CDC123: variants seen among roughly 807,000 people sequenced by gnomAD.
CDC123 encodes translation initiation factor eIF2 assembly protein.
Under a neutral mutation model 54.4 loss-of-function variants are expected in CDC123, and 37 were observed. The ratio of observed to expected loss-of-function variants is 0.68; its 90% CI spans 0.52 to 0.89. The LOEUF (loss-of-function observed/expected upper bound fraction) is 0.89, where lower values mean the gene tolerates loss of function less well. CDC123 is among the 40% of genes least tolerant of loss of function. CDC123 has a pLI of 0.00. For missense variants in CDC123, 361 were observed against 412.1 expected (o/e 0.88, Z 1.07); for synonymous variants, 144 against 136.8 (o/e 1.05, Z -0.37).
chr10:12,218,166 AAATAT>A (rs990265603), intron 6 of CDC123, among the ~76,000 whole-genome samples: 6 of 152,130 alleles, frequency 3.9e-5, no homozygotes, highest in African/African-American at 9.7e-5. Flanking sequence ...ATCTATAGAT[AAATAT>A]AATATAAATA....
chr10:12,205,195 A>G (rs1835502154), intron 2 of CDC123, among the ~76,000 whole-genome samples: 1 of 151,992 alleles, frequency 6.6e-6, no homozygotes, highest in Non-Finnish European at 1.5e-5. Flanking sequence ...TGCCTGGCTT[A>G]CTTCACTTAA....
intron 6 of CDC123, among the ~76,000 whole-genome samples, chr10:12,226,081 A>G (rs1214980476): frequency 5.3e-5 from 8 of 152,112 alleles, no homozygotes; most frequent in Middle Eastern, 3.2e-3. Flanking sequence ...GTTGGGGGTA[A>G]GGTTATAGAT....
chr10:12,221,400 A>C (rs1228914995), intron 6 of CDC123, among the ~76,000 whole-genome samples: 1 of 152,238 alleles, frequency 6.6e-6, no homozygotes, highest in African/African-American at 2.4e-5. Context: ...ATATGAAGAC[A>C]TGACCATATC....
At chr10:12,229,218 C>T (rs933134495) in intron 6 of CDC123, among the ~76,000 whole-genome samples, 2 of 152,192 alleles carry the variant, frequency 1.3e-5, no homozygotes. Flanking sequence ...GATATAGATG[C>T]GTTTTTTAAA....
chr10:12,223,223 T>G (rs975527309), intron 6 of CDC123, among the ~76,000 whole-genome samples: 4 of 152,172 alleles, frequency 2.6e-5, no homozygotes, highest in South Asian at 4.2e-4. Flanking sequence ...TGCAAAATAT[T>G]TGGAACAGCA....
chr10:12,242,063 A>G (rs1174115868), intron 10 of CDC123, among the ~76,000 whole-genome samples: 3 of 131,992 alleles, frequency 2.3e-5, no homozygotes, highest in African/African-American at 7.9e-5. Flanking sequence ...TCCTGTTTGG[A>G]ACAGCAAGCC....
rs145658038 is a variant in CDC123 at position 12,223,968 on chromosome 10, A to G, written c.440+6501A>G. Among the ~76,000 whole-genome samples the G allele has an allele frequency of 1.4e-3, 215 of 152,132 alleles. 1 individual carries two copies. Among genetic ancestry groups the G allele is most frequent in the African/African-American group, 4.9e-3 (205 of 41,514 alleles). On this transcript the variant is annotated intron_variant, in intron 6 of 12. Transcript: ENST00000281141. ...GAGCTTTTGGTGCACCCATCACCTG[A>G]GCAGTGTACACTGTACCCAACGTGT...
At chr10:12,202,366 G>A (rs922367195) in intron 2 of CDC123, among the ~76,000 whole-genome samples, 6 of 152,108 alleles carry the variant, frequency 3.9e-5, no homozygotes, top group Non-Finnish European at 7.4e-5. Flanking sequence ...AATGCAAACC[G>A]TTTTTCCTCT....
intron 10 of CDC123, among the ~76,000 whole-genome samples, chr10:12,238,716 A>G (rs1836012463): frequency 6.6e-6 from 1 of 151,812 alleles, no homozygotes; most frequent in South Asian, 2.1e-4. Flanking sequence ...TCTCTACTAA[A>G]AATTAAAAAA....
At position 12,235,117 on chromosome 10, in the gene CDC123, C is replaced by G. The variant is rs771779565; in HGVS notation, c.559C>G (p.Leu187Val). ...TCGATGTTTTGTCAAGGAAAACAAG[C>G]TTATTGGTGAGTTTTTGTTTGTTTG... ...EFRCFVKENK[L>V]IGISQRDYTQ... is the part of the protein sequence containing the mutation. Residue 187 changes from leucine to valine, a missense_variant, in exon 8 of 13, where the codon CTT (leucine) becomes GTT (valine). Leu to Val is a conservative substitution (Grantham distance 32, BLOSUM62 1). Coordinates refer to ENST00000281141, the MANE Select transcript of CDC123 (RefSeq NM_006023.3). 3 of 1,611,936 alleles carry G rather than the reference C, an allele frequency of 1.9e-6. No homozygotes were observed. The highest frequency in any genetic ancestry group is 2.5e-6 in the Non-Finnish European group (3 of 1,178,452).
At chr10:12,205,854 A>G (rs749768041) in intron 2 of CDC123, among the ~76,000 whole-genome samples, 2 of 151,106 alleles carry the variant, frequency 1.3e-5, no homozygotes, top group East Asian at 3.9e-4. Context: ...GCTGGAGTGC[A>G]GGGGCACGAT....
At chr10:12,212,920 G>T (rs1211777744) in intron 4 of CDC123, among the ~76,000 whole-genome samples, 1 of 152,174 alleles carries the variant, frequency 6.6e-6, no homozygotes, top group African/African-American at 2.4e-5. Context: ...TCTATGTGAA[G>T]TATAAGAATA....
Position 12,217,525 on chromosome 10 carries a change from T to C in CDC123, c.440+58T>C, listed in dbSNP as rs774839763. The C allele has an allele frequency of 3.2e-6, 5 of 1,551,366 alleles. No homozygotes were observed. The South Asian group carries it at 3.5e-5, about 11-fold the overall frequency. ...TTCAGTATTTGTGCAAATTTCTCTA[T>C]AGATGAAATTCCATTACTTATAGTA... On this transcript the variant is annotated intron_variant, in intron 6 of 12. Transcript: ENST00000281141.
intron 6 of CDC123, among the ~76,000 whole-genome samples, chr10:12,229,005 G>A (rs985496142): frequency 6.6e-6 from 1 of 152,162 alleles, no homozygotes; most frequent in African/African-American, 2.4e-5. Flanking sequence ...GTGAGCCACC[G>A]TGCCAGGTCT....
chr10:12,246,343 C>A, intron 11 of CDC123, 66 bp downstream of exon 11: 1 of 1,575,912 alleles, frequency 6.3e-7, no homozygotes, highest in Non-Finnish European at 8.7e-7. Flanking sequence ...GCTTGTTCTT[C>A]AGACGCATAG....
In CDC123 at chr10:12,198,716, C is replaced by T. The variant is rs765850399; in HGVS notation, c.86C>T (p.Pro29Leu). The T allele has an allele frequency of 6.3e-7, 1 of 1,580,806 alleles. No individual in the cohort carries two copies. The highest frequency in any genetic ancestry group is 8.6e-7 in the Non-Finnish European group (1 of 1,156,350). Residue 29 changes from proline to leucine, a missense_variant, in exon 2 of 13, where the codon CCA becomes CTA. Physicochemically the swap from Pro to Leu is moderately conservative, Grantham distance 98 (BLOSUM62 -3). Coordinates refer to ENST00000281141, the MANE Select transcript of CDC123 (RefSeq NM_006023.3). ...RGVTIKSVIL[P>L]LPQNVKDYLL... ...TGTTTTTTTTTTAGTGTCATTCTTCCACTTCCTCAGAATGTGAAGGATTAT... is the reference window on the plus strand; with the variant it reads ...TGTTTTTTTTTTAGTGTCATTCTTCTACTTCCTCAGAATGTGAAGGATTAT...
At chr10:12,216,620 TTTCAAATATTTTAGTACTTTTC>T (rs1437717632) in intron 5 of CDC123, among the ~76,000 whole-genome samples, 10 of 152,222 alleles carry the variant, frequency 6.6e-5, no homozygotes, top group African/African-American at 2.4e-4. Context: ...AGGTAGCTGT[TTTCAAATATTTTAGTACTTTTC>T]TTCCATGTAG....
intron 4 of CDC123, among the ~76,000 whole-genome samples, chr10:12,214,356 T>A (rs1030007830): frequency 6.6e-6 from 1 of 152,180 alleles, no homozygotes; most frequent in Non-Finnish European, 1.5e-5. Context: ...CTTCAGGCAA[T>A]TATAAGGAAA....
At chr10:12,202,515 T>C (rs4264073) in intron 2 of CDC123, among the ~76,000 whole-genome samples, 151,967 of 152,166 alleles carry the variant, frequency 1, 75,886 homozygotes, top group Non-Finnish European at 1. Flanking sequence ...ACTGTCTACC[T>C]GGAGGAGCAT....
Sources: allele counts gnomAD v4.1 joint callset (sites outside exome capture counted in the v4.1 genomes callset), GRCh38; gene constraint gnomAD v4.1.1; transcripts MANE v1.5; gene names NCBI Gene and HGNC (gene_info 2026-07-23, HGNC 2026-07-21).